Variants in USP16 observed in about 807,000 individuals in gnomAD.
USP16 encodes ubiquitin specific peptidase 16, also known as ubiquitin carboxyl-terminal hydrolase 16.
USP16 carries 77 observed loss-of-function variants against 95.9 expected under a neutral mutation model. That is an observed-to-expected ratio of 0.80 (90% CI 0.67 to 0.97). USP16 has a LOEUF of 0.97. USP16 is among the 50% of genes least tolerant of loss of function. The pLI, the probability that USP16 is intolerant of heterozygous loss-of-function variation, is 0.00. For missense variants in USP16, 943 were observed against 959.9 expected (o/e 0.98, Z 0.23); for synonymous variants, 303 against 318.2 (o/e 0.95, Z 0.51).
intron 1 of USP16, chr21:29,025,603 C>T (rs534489172): frequency 3.5e-5 from 8 of 227,414 alleles, no homozygotes; most frequent in Non-Finnish European, 5.8e-5. Context: ...TTCAAGTTTT[C>T]CTATGGAGTC....
Position 29,047,029 on chromosome 21 carries a change from C to T in USP16, c.1719C>T (p.Ser573=). The change falls in exon 14 of 18, where the codon TCC becomes TCT. Residue 573 remains serine (S), a synonymous_variant. Coordinates refer to ENST00000399976, the MANE Select transcript of USP16 (RefSeq NM_006447.3). ...TEGSNGEVDI[S]NGFKNLNLNA... is the part of the protein sequence containing the mutation. ...GGAGCAATGGAGAAGTGGACATTTC[C>T]AATGGTTTCAAAAACCTAAATTTGA... is the stretch of plus-strand genomic sequence containing the variant. The T allele has an allele frequency of 6.2e-7, 1 of 1,613,996 alleles. No homozygotes were observed. The highest frequency in any genetic ancestry group is 2.2e-5 in the East Asian group (1 of 44,870).
At position 29,038,374 on chromosome 21, in the gene USP16, G is replaced by A; in HGVS notation, c.676G>A (p.Glu226Lys). ...QTPVLRELLK[E>K]VKMSGTIVKI... ...ACCAGTGCTTAGAGAACTACTAAAAGAAGTGAAAATGTCTGGAACAATTGT... is the reference window on the plus strand; with the variant it reads ...ACCAGTGCTTAGAGAACTACTAAAAAAAGTGAAAATGTCTGGAACAATTGT... Residue 226 changes from glutamate to lysine, a missense_variant, in exon 7 of 18, where the codon GAA becomes AAA. Coordinates refer to ENST00000399976, the MANE Select transcript of USP16 (RefSeq NM_006447.3). The A allele has an allele frequency of 6.2e-7, 1 of 1,612,802 alleles. No homozygotes were observed. The highest frequency in any genetic ancestry group is 8.5e-7 in the Non-Finnish European group (1 of 1,179,252).
At chr21:29,035,958 A>G (rs995101802) in intron 4 of USP16, among the ~76,000 whole-genome samples, 2 of 152,166 alleles carry the variant, frequency 1.3e-5, no homozygotes, top group African/African-American at 4.8e-5. Flanking sequence ...AAAAGTTGTT[A>G]TTTTTGTTAG....
At position 29,043,441 on chromosome 21, in the gene USP16, A is replaced by C. The variant is rs778065460; in HGVS notation, c.1198A>C (p.Asn400His). 1.3e-6 allele frequency: 2 copies of C among 1,543,074 alleles called. No individual in the cohort carries two copies. Among genetic ancestry groups the C allele is most frequent in the African/African-American group, 1.4e-5 (1 of 71,122 alleles). The change falls in exon 13 of 18, where the codon AAT becomes CAT. Residue 400 changes from asparagine (N) to histidine (H), a missense_variant. Physicochemically the swap from Asn to His is moderately conservative, Grantham distance 68. Transcript: ENST00000399976. The part of the protein sequence containing the change: ...LDDQSGKKSV[N>H]DKNLKKTVED... Reference sequence around the variant, plus strand: ...TTTTAAGAGTGGTAAGAAAAGTGTAAATGATAAAAATCTGAAAAAGACAGT... The same window carrying C: ...TTTTAAGAGTGGTAAGAAAAGTGTACATGATAAAAATCTGAAAAAGACAGT...
intron 15 of USP16, 118 bp from the exon 16 acceptor site, chr21:29,049,974 G>A: frequency 1.1e-6 from 1 of 893,418 alleles, no homozygotes; most frequent in Non-Finnish European, 1.7e-6. Context: ...AGTCTCCAAA[G>A]AAAATTGAAC....
rs940163083 is a variant in USP16, at chr21:29,042,033, A to G, written c.1051A>G (p.Met351Val). 9.9e-6 allele frequency: 16 copies of G among 1,613,174 alleles called. No individual in the cohort carries two copies. The highest frequency in any genetic ancestry group is 1.2e-5 in the Non-Finnish European group (14 of 1,179,600). ...CATAGATTATGAGAAGAAAAAATCAATGCCAAGTTTTGTTGACCGCATCTT... is the reference window on the plus strand; with the variant it reads ...CATAGATTATGAGAAGAAAAAATCAGTGCCAAGTTTTGTTGACCGCATCTT... ...KVKDYEKKKS[M>V]PSFVDRIFGG... The change falls in exon 11 of 18, where the codon ATG becomes GTG. Residue 351 changes from methionine (M) to valine (V), a missense_variant. Physicochemically the swap from Met to Val is conservative, Grantham distance 21 (BLOSUM62 1). Coordinates refer to ENST00000399976, the MANE Select transcript of USP16 (RefSeq NM_006447.3).
Position 29,042,024 on chromosome 21 carries a change from A to T in USP16, c.1042A>T (p.Lys348Ter). ...TTTTTTCTCCATAGATTATGAGAAG[A>T]AAAAATCAATGCCAAGTTTTGTTGA... ...LKNKVKDYEK[K>*]KSMPSFVDRI... is the part of the protein sequence containing the mutation. Residue 348 changes from lysine to a stop codon, truncating the protein, a stop_gained, in exon 11 of 18, where the codon AAA (lysine) becomes TAA (stop). Transcript: ENST00000399976. LOFTEE classifies it high-confidence loss of function. 6.2e-7 allele frequency: 1 copy of T among 1,612,980 alleles called. No individual in the cohort carries two copies. Among genetic ancestry groups the T allele is most frequent in the East Asian group, 2.2e-5 (1 of 44,814 alleles).
At chr21:29,039,266 C>T (rs898585099) in intron 8 of USP16, 110 bp downstream of exon 8, 3 of 1,159,168 alleles carry the variant, frequency 2.6e-6, no homozygotes, top group Non-Finnish European at 3.3e-6. Context: ...ATTTAGTCAA[C>T]CCTCTATATA....
chr21:29,043,181 T>C, intron 12 of USP16: 1 of 275,362 alleles, frequency 3.6e-6, no homozygotes, highest in Admixed American at 5.3e-5. Flanking sequence ...GTTATATTTC[T>C]ATTACACTTA....
rs1386033260 is a variant in USP16, at chr21:29,046,815, G to A, written c.1505G>A (p.Gly502Asp). The change falls in exon 14 of 18, where the codon GGT (glycine) becomes GAT (aspartate). Residue 502 changes from glycine (G) to aspartate (D), a missense_variant. By Grantham distance (94) the Gly-to-Asp change is moderately conservative. Coordinates refer to ENST00000399976, the MANE Select transcript of USP16 (RefSeq NM_006447.3). ...NIKSNHISQEGVMHKEYCVNQ... is the reference protein window; with the variant it reads ...NIKSNHISQEDVMHKEYCVNQ... ...AAATCCAACCATATTTCACAAGAGG[G>A]TGTTATGCATAAAGAATATTGTGTC... The A allele has an allele frequency of 2.5e-6, 4 of 1,614,086 alleles. No individual in the cohort carries two copies. The highest frequency in any genetic ancestry group is 4.5e-5 in the East Asian group (2 of 44,856).
chr21:29,025,111 T>C (rs1415775130), intron 1 of USP16, among the ~76,000 whole-genome samples: 2 of 152,016 alleles, frequency 1.3e-5, no homozygotes, highest in African/African-American at 4.8e-5. Context: ...TCCCTATGGG[T>C]TGGAGCTGGA....
intron 3 of USP16, among the ~76,000 whole-genome samples, chr21:29,032,002 CT>C (rs1373760744): frequency 6.6e-6 from 1 of 152,096 alleles, no homozygotes; most frequent in Non-Finnish European, 1.5e-5. Context: ...ATTCTGTACA[CT>C]TTTGTCACCT....
intron 6 of USP16, 123 bp from the exon 7 acceptor site, chr21:29,038,211 TC>T: frequency 1.6e-6 from 1 of 622,102 alleles, no homozygotes; most frequent in Non-Finnish European, 2.8e-6. Flanking sequence ...CTTTTCATTT[TC>T]CAAGTATAGA....
At position 29,047,427 on chromosome 21, in the gene USP16, A is replaced by T. The variant is rs773866009; in HGVS notation, c.2011+106A>T. 1.1e-4 allele frequency: 141 copies of T among 1,252,210 alleles called. 1 individual carries two copies. Among genetic ancestry groups the T allele is most frequent in the Non-Finnish European group, 1.5e-4 (136 of 914,444 alleles). 77.6% of individuals were successfully genotyped at this position (1,252,210 alleles called of 1,614,324 possible). A position where few individuals can be genotyped will look rare whatever the true frequency, so the allele number is the denominator to read the frequency against. ...TATCAGGATTTGGATGGCATGAATA[A>T]GTGTCCTTTTCTGTGTAAATATTTT... On this transcript the variant is annotated intron_variant, in intron 14 of 17. Coordinates refer to ENST00000399976, the MANE Select transcript of USP16 (RefSeq NM_006447.3).
At chr21:29,044,278 T>C (rs909272500) in intron 13 of USP16, among the ~76,000 whole-genome samples, 6 of 151,992 alleles carry the variant, frequency 3.9e-5, no homozygotes, top group African/African-American at 1.4e-4. Context: ...TTTTTGTTTT[T>C]TCTTACGTAT....
At chr21:29,027,410 G>A (rs1384681755) in intron 1 of USP16, among the ~76,000 whole-genome samples, 2 of 152,316 alleles carry the variant, frequency 1.3e-5, no homozygotes, top group East Asian at 3.9e-4. Context: ...TCAGGAGGTT[G>A]TTAGAATTAT....
At chr21:29,047,364 G>A (rs765561459) in intron 14 of USP16, 43 bp downstream of exon 14, 26 of 1,554,108 alleles carry the variant, frequency 1.7e-5, no homozygotes, top group Non-Finnish European at 2.3e-5. Context: ...ATATTCAGGG[G>A]CACATTTTGC....
intron 4 of USP16, among the ~76,000 whole-genome samples, chr21:29,035,540 A>G (rs1017736586): frequency 1.3e-5 from 2 of 151,404 alleles, no homozygotes; most frequent in Admixed American, 6.6e-5. Context: ...CGCCCGGCTA[A>G]TTTTTGTATT....
Position 29,046,875 on chromosome 21 carries a change from T to C in USP16, c.1565T>C (p.Ile522Thr), listed in dbSNP as rs762884919. The change falls in exon 14 of 18, where the codon ATC becomes ACC. Residue 522 changes from isoleucine to threonine, a missense_variant. Ile to Thr is a moderately conservative substitution (Grantham distance 89). Coordinates refer to ENST00000399976, the MANE Select transcript of USP16 (RefSeq NM_006447.3). ...GATTTGAATGGCCAAGCAAAAATGA[T>C]CGAAAGTGTAACTGACAATCAAAAA... is the stretch of plus-strand genomic sequence containing the variant. Reference protein sequence around the residue: ...QKDLNGQAKMIESVTDNQKST... With the variant: ...QKDLNGQAKMTESVTDNQKST... The C allele has an allele frequency of 6.2e-7, 1 of 1,614,022 alleles. No individual in the cohort carries two copies. The highest frequency in any genetic ancestry group is 1.3e-5 in the African/African-American group (1 of 75,002).
Sources: allele counts gnomAD v4.1 joint callset (sites outside exome capture counted in the v4.1 genomes callset), GRCh38; gene constraint gnomAD v4.1.1; transcripts MANE v1.5; gene names NCBI Gene and HGNC (gene_info 2026-07-23, HGNC 2026-07-21).